KCNIP4: variants seen among roughly 807,000 people sequenced by gnomAD.
The protein encoded by KCNIP4 is Kv channel-interacting protein 4.
In KCNIP4, 12 loss-of-function variants were observed where a neutral mutation model predicts 34.0. That is an observed-to-expected ratio of 0.35 (90% confidence interval 0.23 to 0.57). KCNIP4 has a LOEUF of 0.57. Among genes scored for constraint, KCNIP4 ranks in the 20% least tolerant of loss-of-function variants. The pLI is 0.83. For missense variants in KCNIP4, 238 were observed against 311.7 expected, an observed-to-expected ratio of 0.76 and a Z score of 1.78; for synonymous variants, 124 against 102.2, an observed-to-expected ratio of 1.21 and a Z score of -1.29.
chr4:20,999,427 GT>G (rs1737879861), intron 1 of KCNIP4, among the ~76,000 whole-genome samples: 1 of 27,728 alleles, frequency 3.6e-5, no homozygotes, highest in Non-Finnish European at 6.6e-5. Flanking sequence ...TTTTTTTTTT[GT>G]TTGTTTTTTG....
At chr4:21,372,942 G>A (rs1183410393) in intron 1 of KCNIP4, among the ~76,000 whole-genome samples, 1 of 145,684 alleles carries the variant, frequency 6.9e-6, no homozygotes, top group South Asian at 2.1e-4. Context: ...ACTTAGCTGT[G>A]CCTCATATGG....
chr4:21,755,514 G>C (rs1160625098), intron 1 of KCNIP4, among the ~76,000 whole-genome samples: 2 of 152,152 alleles, frequency 1.3e-5, no homozygotes, highest in Non-Finnish European at 2.9e-5. Flanking sequence ...AGGGGCTAGT[G>C]ACAGTCAGGA....
intron 3 of KCNIP4, among the ~76,000 whole-genome samples, chr4:20,804,210 C>T (rs1002638161): frequency 1.1e-4 from 17 of 152,110 alleles, no homozygotes; most frequent in African/African-American, 4.1e-4. Flanking sequence ...TGTTATTTTA[C>T]CCATTTTGCA....
At chr4:21,747,811 T>A (rs567726629) in intron 1 of KCNIP4, among the ~76,000 whole-genome samples, 10 of 152,218 alleles carry the variant, frequency 6.6e-5, no homozygotes, top group East Asian at 5.8e-4. Context: ...ATGTGGTCTT[T>A]CCAAATATAA....
chr4:21,231,171 T>A (rs1010270598), intron 1 of KCNIP4, among the ~76,000 whole-genome samples: 1 of 152,170 alleles, frequency 6.6e-6, no homozygotes, highest in Non-Finnish European at 1.5e-5. Context: ...ATGGCTTAAT[T>A]TCTACAGAGC....
chr4:21,797,938 G>C (rs1355112498), intron 1 of KCNIP4, among the ~76,000 whole-genome samples: 1 of 151,976 alleles, frequency 6.6e-6, no homozygotes, highest in Non-Finnish European at 1.5e-5. Flanking sequence ...GGCAGAATGA[G>C]AAAAAAGGCA....
intron 1 of KCNIP4, among the ~76,000 whole-genome samples, chr4:20,975,693 A>C (rs79100642): frequency 0.027 from 4,075 of 152,256 alleles, 168 homozygotes; most frequent in African/African-American, 0.088. Flanking sequence ...AAAAACAATA[A>C]GTCATCAACC....
chr4:20,975,663 A>C (rs1372918358), intron 1 of KCNIP4, among the ~76,000 whole-genome samples: 1 of 152,184 alleles, frequency 6.6e-6, no homozygotes, highest in Non-Finnish European at 1.5e-5. Flanking sequence ...AAGGGATAGA[A>C]AAACCTAGTT....
rs767496947 is a variant in KCNIP4 at position 21,025,559 on chromosome 4, T to TTG, written c.62-142851_62-142850insCA. Reference sequence around the variant, plus strand: ...ATTGATACTGTTTTTTTTTTTTTTTTTTTTTTTTTTTTGAGACGGAGTCTC... The same window carrying TTG: ...ATTGATACTGTTTTTTTTTTTTTTTTTGTTTTTTTTTTTTGAGACGGAGTCTC... On this transcript the variant is annotated intron_variant, in intron 1 of 8. Transcript: ENST00000382152. 9.4e-3 allele frequency among the ~76,000 whole-genome samples: 1,156 copies of TTG among 122,858 alleles called. 61 individuals are homozygous for TTG. Among genetic ancestry groups the TTG allele is most frequent in the Non-Finnish European group, 0.016 (965 of 59,990 alleles). 80.6% of individuals were successfully genotyped at this position (122,858 alleles called of 152,430 possible). A position where few individuals can be genotyped will look rare whatever the true frequency, so the allele number is the denominator to read the frequency against.
At chr4:20,918,919 A>C (rs1465052804) in intron 1 of KCNIP4, among the ~76,000 whole-genome samples, 1 of 152,230 alleles carries the variant, frequency 6.6e-6, no homozygotes, top group Non-Finnish European at 1.5e-5. Context: ...ATCTGGGCAC[A>C]GGTGTTGCAG....
At chr4:21,710,547 T>C (rs925083853) in intron 1 of KCNIP4, among the ~76,000 whole-genome samples, 1 of 152,156 alleles carries the variant, frequency 6.6e-6, no homozygotes, top group East Asian at 1.9e-4. Flanking sequence ...ACTAAAAGCT[T>C]TTTTAAATGC....
chr4:21,130,611 ATTTAAAAATAT>A (rs1230270141), intron 1 of KCNIP4, among the ~76,000 whole-genome samples: 1 of 152,188 alleles, frequency 6.6e-6, no homozygotes, highest in Non-Finnish European at 1.5e-5. Context: ...TGTAGGAGCT[ATTTAAAAATAT>A]GTTAAAAATG....
intron 1 of KCNIP4, among the ~76,000 whole-genome samples, chr4:20,979,907 C>G (rs997279919): frequency 6.6e-6 from 1 of 152,132 alleles, no homozygotes; most frequent in Admixed American, 6.5e-5. Context: ...CCATGTGCAA[C>G]GAGCCATATC....
chr4:21,598,542 G>A (rs1181059689), intron 1 of KCNIP4, among the ~76,000 whole-genome samples: 1 of 151,872 alleles, frequency 6.6e-6, no homozygotes, highest in Non-Finnish European at 1.5e-5. Flanking sequence ...TTTGGCCTGG[G>A]GTTTATCAAC....
At chr4:21,335,431 A>T (rs1409194797) in intron 1 of KCNIP4, among the ~76,000 whole-genome samples, 1 of 152,142 alleles carries the variant, frequency 6.6e-6, no homozygotes, top group Non-Finnish European at 1.5e-5. Flanking sequence ...TCACAAAAAA[A>T]TATGATACCG....
intron 1 of KCNIP4, among the ~76,000 whole-genome samples, chr4:21,675,630 T>C (rs1000827562): frequency 2.0e-5 from 3 of 152,260 alleles, no homozygotes; most frequent in African/African-American, 7.2e-5. Context: ...CAAAAAATAA[T>C]CTGGGCATTT....
chr4:21,455,808 C>CTTTT (rs1491104155), intron 1 of KCNIP4, among the ~76,000 whole-genome samples: 3 of 71,928 alleles, frequency 4.2e-5, no homozygotes, highest in African/African-American at 1.5e-4. Flanking sequence ...TACAGATATT[C>CTTTT]ATATATATAT....
At chr4:21,722,078 T>C (rs1714859119) in intron 1 of KCNIP4, among the ~76,000 whole-genome samples, 1 of 152,206 alleles carries the variant, frequency 6.6e-6, no homozygotes, top group Admixed American at 6.6e-5. Flanking sequence ...AGATCATAAA[T>C]TTCATATTCA....
chr4:21,714,786 A>ACC (rs778595133), intron 1 of KCNIP4, among the ~76,000 whole-genome samples: 871 of 46,238 alleles, frequency 0.019, 202 homozygotes, highest in Admixed American at 0.16. Flanking sequence ...TTTCCCTTTG[A>ACC]TTATTTTATT....
Sources: allele counts gnomAD v4.1 joint callset (sites outside exome capture counted in the v4.1 genomes callset), GRCh38; gene constraint gnomAD v4.1.1; transcripts MANE v1.5; gene names NCBI Gene and HGNC (gene_info 2026-07-23, HGNC 2026-07-21).